The following GPR89B variants were observed in gnomAD, a reference collection of about 807,000 sequenced individuals.
GPR89B encodes golgi pH regulator B, also known as G protein-coupled receptor 89B.
In GPR89B, 25 loss-of-function variants were observed where a neutral mutation model predicts 52.4. The observed-to-expected ratio is 0.48, with a 90% confidence interval of 0.35 to 0.67. The LOEUF (loss-of-function observed/expected upper bound fraction) is 0.67, where lower values mean the gene tolerates loss of function less well. Ranked by LOEUF, GPR89B falls within the 30% of genes least tolerant of loss-of-function variation. The pLI is 0.01. For missense variants in GPR89B, 146 were observed against 450.2 expected (o/e 0.32, Z 6.11); for synonymous variants, 52 against 151.2 (o/e 0.34, Z 4.81).
At chr1:148,009,575 T>C in the GPR89B span, 5,122 of 1,513,528 alleles carry the variant, frequency 3.4e-3, 97 homozygotes, top group East Asian at 0.046. Context: ...TCCCACTCTT[T>C]CTGACCAGAT....
At chr1:147,976,993 G>C (rs1230796662) in intron 10 of GPR89B, among the ~76,000 whole-genome samples, 1 of 151,726 alleles carries the variant, frequency 6.6e-6, no homozygotes, top group African/African-American at 2.4e-5. Context: ...CCAGCACTTT[G>C]GGAGGCCGAG....
In GPR89B at chr1:147,968,707, A is replaced by C. The variant is rs1410717872; in HGVS notation, c.728-168A>C. The C allele has an allele frequency of 2.3e-4, 210 of 896,718 alleles. No homozygotes were observed. The East Asian group carries it at 5.0e-3, about 22-fold the overall frequency. 55.5% of individuals were successfully genotyped at this position (896,718 alleles called of 1,614,324 possible). On this transcript the variant is annotated intron_variant, in intron 8 of 13. Transcript: ENST00000314163. Reference sequence around the variant, plus strand: ...AGAAGCTTTTACACACCTGCGTCAGAGGTTGGGAAAGTTGCTCTGAAGTAG... The same window carrying C: ...AGAAGCTTTTACACACCTGCGTCAGCGGTTGGGAAAGTTGCTCTGAAGTAG...
the GPR89B span, among the ~76,000 whole-genome samples, chr1:148,006,790 C>T: frequency 2.0e-5 from 3 of 151,660 alleles, no homozygotes; most frequent in South Asian, 2.1e-4. Context: ...AATCTTGGCT[C>T]ACAGCAACCT....
At position 147,970,569 on chromosome 1, in the gene GPR89B, C is replaced by CTCTA. The variant is rs1553253167; in HGVS notation, c.909+611_909+612insCTAT. On this transcript the variant is annotated intron_variant, in intron 10 of 13. Coordinates refer to ENST00000314163, the MANE Select transcript of GPR89B (RefSeq NM_016334.5). ...TCTCTCTCTCTATCTCTCTCTCTCT[C>CTCTA]TATATATATATAGAATGTGAACATT... Among the ~76,000 whole-genome samples, 9 of 142,654 alleles carry CTCTA rather than the reference C, an allele frequency of 6.3e-5. No homozygotes were observed. The East Asian group carries it at 8.3e-4, about 13-fold the overall frequency. The allele number at this position is 142,654 out of a possible 152,430, so 93.6% of individuals were successfully genotyped here. A position where few individuals can be genotyped will look rare whatever the true frequency, so the allele number is the denominator to read the frequency against.
chr1:147,960,156 A>T (rs1231993609), intron 7 of GPR89B, among the ~76,000 whole-genome samples: 1 of 151,966 alleles, frequency 6.6e-6, no homozygotes, highest in Admixed American at 6.6e-5. Context: ...TTCACAGTTT[A>T]AGTAAATTAA....
At chr1:147,998,880 C>CAAA in the GPR89B span, among the ~76,000 whole-genome samples, 5 of 77,742 alleles carry the variant, frequency 6.4e-5, no homozygotes, top group Non-Finnish European at 8.0e-5. Flanking sequence ...GACTCTGTCT[C>CAAA]AAAAAAAAAA....
the GPR89B span, among the ~76,000 whole-genome samples, chr1:148,006,829 G>T: frequency 6.6e-6 from 1 of 151,458 alleles, no homozygotes; most frequent in Non-Finnish European, 1.5e-5. Flanking sequence ...CGATTCTTCT[G>T]CCTCAGCCTC....
At chr1:147,971,602 A>G (rs1657477906) in intron 10 of GPR89B, among the ~76,000 whole-genome samples, 1 of 148,872 alleles carries the variant, frequency 6.7e-6, no homozygotes. Context: ...TTAGGCTCCC[A>G]AGTAGCTGGG....
At chr1:147,986,325 A>G in intron 11 of GPR89B, 31 bp downstream of exon 11, 3 of 1,610,726 alleles carry the variant, frequency 1.9e-6, no homozygotes, top group South Asian at 2.2e-5. Flanking sequence ...CTGGTTTGTC[A>G]TGTTTCTGTT....
chr1:147,980,818 C>CAA (rs1176400328), intron 10 of GPR89B, among the ~76,000 whole-genome samples: 1,119 of 22,490 alleles, frequency 0.05, 160 homozygotes, highest in Non-Finnish European at 0.061. Flanking sequence ...GACTCCGTCT[C>CAA]AAAAAAAAAA....
intron 1 of GPR89B, among the ~76,000 whole-genome samples, chr1:147,931,968 A>G (rs747163707): frequency 6.6e-6 from 1 of 152,198 alleles, no homozygotes; most frequent in Non-Finnish European, 1.5e-5. Flanking sequence ...GGAGGCCACA[A>G]TGAAATATTA....
rs1331166557 is a variant in GPR89B at position 147,949,885 on chromosome 1, C to T, written c.416-3460C>T. On this transcript the variant is annotated intron_variant, in intron 5 of 13. Coordinates refer to ENST00000314163, the MANE Select transcript of GPR89B (RefSeq NM_016334.5). Reference sequence around the variant, plus strand: ...CAGTAGGGGCGGCCGGGCAGAGGCGCCCCTCACCTCCCGGACGGGGCGGCT... The same window carrying T: ...CAGTAGGGGCGGCCGGGCAGAGGCGTCCCTCACCTCCCGGACGGGGCGGCT... Among the ~76,000 whole-genome samples, 262 of 127,288 alleles carry T rather than the reference C, an allele frequency of 2.1e-3. 6 individuals carry two copies. Among genetic ancestry groups the T allele is most frequent in the African/African-American group, 8.3e-3 (243 of 29,164 alleles). The allele number at this position is 127,288 out of a possible 152,430, so 83.5% of individuals were successfully genotyped here. A position where few individuals can be genotyped will look rare whatever the true frequency, so the allele number is the denominator to read the frequency against.
chr1:147,954,984 G>A lies in GPR89B; in HGVS notation c.617+582G>A, dbSNP rs1251304156. ...TTTATTACATTCATCATGCTGTACA[G>A]TATGTTGCAAAGAAAAAAAACCTTA... On this transcript the variant is annotated intron_variant, in intron 7 of 13. Transcript: ENST00000314163. 3.6e-4 allele frequency among the ~76,000 whole-genome samples: 55 copies of A among 151,936 alleles called. 2 individuals are homozygous for A. The South Asian group carries it at 0.011, about 32-fold the overall frequency.
Position 147,938,742 on chromosome 1 carries a change from TCTC to T in GPR89B, c.133_135del (p.Ser45del), listed in dbSNP as rs1558034570. The T allele has an allele frequency of 6.3e-7, 1 of 1,589,774 alleles. No homozygotes were observed. The highest frequency in any genetic ancestry group is 1.7e-5 in the Admixed American group (1 of 57,928). On this transcript the variant is annotated inframe_deletion, in exon 3 of 14. Transcript: ENST00000314163. Reference sequence around the variant, plus strand: ...CGTCAGTATGTTGTACAGGTGATCTTCTCCGTGACGTTTGCATTTTCTTGCACC... The same window carrying T: ...CGTCAGTATGTTGTACAGGTGATCTTCGTGACGTTTGCATTTTCTTGCACC...
At position 147,944,115 on chromosome 1, in the gene GPR89B, G is replaced by C. The variant is rs1258704760; in HGVS notation, c.415+17G>C. ...CAAAACATGGTGAGTATATATAGGAGGGCAGAGGAAGTGGGGGGAGAAGAT... is the reference window on the plus strand; with the variant it reads ...CAAAACATGGTGAGTATATATAGGACGGCAGAGGAAGTGGGGGGAGAAGAT... On this transcript the variant is annotated intron_variant, in intron 5 of 13. Transcript: ENST00000314163. 6.3e-7 allele frequency: 1 copy of C among 1,589,020 alleles called. No individual in the cohort carries two copies.
chr1:147,943,327 G>T, intron 3 of GPR89B, 111 bp from the exon 4 acceptor site: 1 of 1,539,164 alleles, frequency 6.5e-7, no homozygotes, highest in South Asian at 1.2e-5. Context: ...TGATTAGATA[G>T]GATATATTCA....
At chr1:147,989,898 A>G (rs1658936518) in intron 12 of GPR89B, among the ~76,000 whole-genome samples, 2 of 152,184 alleles carry the variant, frequency 1.3e-5, no homozygotes, top group African/African-American at 4.8e-5. Context: ...AGTGAATAGT[A>G]TGAATATTGC....
the GPR89B span, among the ~76,000 whole-genome samples, chr1:148,018,794 G>A: frequency 2.6e-5 from 4 of 151,518 alleles, 1 homozygote; most frequent in African/African-American, 9.8e-5. Context: ...AGCCTCCCTA[G>A]TAGCTGGGAT....
Position 147,934,953 on chromosome 1 carries a change from G to A in GPR89B, c.43-1674G>A, listed in dbSNP as rs1448259575. Among the ~76,000 whole-genome samples, 25 of 151,872 alleles carry A rather than the reference G, an allele frequency of 1.6e-4. No homozygotes were observed. In the East Asian group the frequency reaches 4.5e-3, roughly 27 times the overall value. On this transcript the variant is annotated intron_variant, in intron 1 of 13. Coordinates refer to ENST00000314163, the MANE Select transcript of GPR89B (RefSeq NM_016334.5). Reference sequence around the variant, plus strand: ...CAAGCACTTATGGAGAGCCTGCTACGTACCAGGCTTTGTGCTGGATGCCAA... The same window carrying A: ...CAAGCACTTATGGAGAGCCTGCTACATACCAGGCTTTGTGCTGGATGCCAA...
Sources: gnomAD v4.1 joint callset for allele counts (sites outside exome capture counted in the v4.1 genomes callset) on GRCh38, gnomAD v4.1.1 for gene constraint, MANE v1.5 for transcripts, NCBI Gene and HGNC (gene_info 2026-07-23, HGNC 2026-07-21) for gene names.